UGT2A2: variants seen among roughly 807,000 people sequenced by gnomAD.
UGT2A2 encodes UDP glucuronosyltransferase family 2 member A2.
A neutral mutation model predicts 50.7 loss-of-function variants in UGT2A2; 60 were observed. The ratio of observed to expected loss-of-function variants is 1.18; its 90% confidence interval spans 0.96 to 1.47. The LOEUF (loss-of-function observed/expected upper bound fraction) is 1.47. UGT2A2 is among the 40% of genes most tolerant of loss of function. UGT2A2 has a pLI of 0.00. For synonymous variants in UGT2A2, 242 were observed against 214.6 expected (o/e 1.13, Z -1.11); for missense variants, 762 against 634.0 (o/e 1.20, Z -2.17).
At chr4:69,635,917 C>A (rs1348585754) in intron 1 of UGT2A2, 1 of 149,382 alleles carries the variant, frequency 6.7e-6, no homozygotes, top group Non-Finnish European at 1.5e-5. Flanking sequence ...TTGGCCTGAC[C>A]AAAATTTATT....
chr4:69,589,751 T>A (rs1718483992), intron 5 of UGT2A2, 100 bp from the exon 6 acceptor site: 1 of 1,460,088 alleles, frequency 6.8e-7, no homozygotes, highest in Admixed American at 2.4e-5. Context: ...TTTAAGGCCA[T>A]AGTTACGTGG....
chr4:69,635,858 A>C (rs1577997875), intron 1 of UGT2A2: 1 of 148,464 alleles, frequency 6.7e-6, no homozygotes, highest in South Asian at 2.0e-4. Flanking sequence ...AAAGAGAGAG[A>C]GAGAGAGAAA....
At position 69,615,581 on chromosome 4, in the gene UGT2A2, CAAAAGA is replaced by C. The variant is rs1033722761; in HGVS notation, c.743-16193_743-16188del. ...ATAAAAGATCTGAATAGACGTTTCT[CAAAAGA>C]ACAACCAACAGGCAAGTGAAGAAAT... On this transcript the variant is annotated intron_variant, in intron 1 of 5. Coordinates refer to ENST00000604629, the MANE Select transcript of UGT2A2 (RefSeq NM_001105677.2). Among the ~76,000 whole-genome samples the C allele has an allele frequency of 2.0e-5, 3 of 151,906 alleles. No homozygotes were observed. In the Admixed American group the frequency reaches 2.0e-4, roughly 10 times the overall value.
chr4:69,599,464 C>T, intron 1 of UGT2A2, 70 bp from the exon 2 acceptor site: 4 of 1,577,014 alleles, frequency 2.5e-6, no homozygotes, highest in Non-Finnish European at 3.4e-6. Context: ...AAAAAAGCTA[C>T]CAGTAATTTC....
intron 1 of UGT2A2, among the ~76,000 whole-genome samples, chr4:69,631,213 T>C (rs1721364119): frequency 1.3e-5 from 2 of 152,162 alleles, no homozygotes; most frequent in Non-Finnish European, 2.9e-5. Flanking sequence ...AAGATACCTA[T>C]ACTGTTTTAG....
chr4:69,603,329 T>A (rs920803910), intron 1 of UGT2A2, among the ~76,000 whole-genome samples: 1 of 136,484 alleles, frequency 7.3e-6, no homozygotes, highest in Non-Finnish European at 1.6e-5. Flanking sequence ...TGTAATGAAA[T>A]TCATGAATGA....
intron 5 of UGT2A2, among the ~76,000 whole-genome samples, chr4:69,592,012 GC>G (rs1378884787): frequency 6.6e-6 from 1 of 152,170 alleles, no homozygotes; most frequent in African/African-American, 2.4e-5. Flanking sequence ...TGGATGGGGA[GC>G]AAAAGTGGAC....
At chr4:69,634,161 C>T (rs191697470) in intron 1 of UGT2A2, among the ~76,000 whole-genome samples, 76 of 152,124 alleles carry the variant, frequency 5.0e-4, no homozygotes, top group African/African-American at 1.3e-3. Flanking sequence ...AGGAGAATGG[C>T]GTGAACCCGG....
intron 1 of UGT2A2, among the ~76,000 whole-genome samples, chr4:69,609,801 C>CA (rs1176792722): frequency 1.3e-5 from 2 of 151,956 alleles, no homozygotes; most frequent in African/African-American, 2.4e-5. Flanking sequence ...CTGCATTCCA[C>CA]AAAAAAATTA....
intron 1 of UGT2A2, among the ~76,000 whole-genome samples, chr4:69,635,978 A>C (rs1721682132): frequency 6.6e-6 from 1 of 152,048 alleles, no homozygotes; most frequent in Admixed American, 6.6e-5. Context: ...AATTCCTGAT[A>C]TCCCTGTTCC....
intron 1 of UGT2A2, among the ~76,000 whole-genome samples, chr4:69,618,123 C>T (rs947742733): frequency 3.3e-5 from 5 of 150,256 alleles, no homozygotes; most frequent in African/African-American, 9.8e-5. Flanking sequence ...ATTTAGTATC[C>T]GTGTACGTAA....
chr4:69,634,299 AC>A (rs1721559136), intron 1 of UGT2A2, among the ~76,000 whole-genome samples: 1 of 151,896 alleles, frequency 6.6e-6, no homozygotes, highest in African/African-American at 2.4e-5. Context: ...AAAACCCACA[AC>A]ACTGATCACA....
intron 1 of UGT2A2, among the ~76,000 whole-genome samples, chr4:69,634,973 C>T (rs1473086638): frequency 1.3e-5 from 2 of 151,868 alleles, no homozygotes; most frequent in African/African-American, 4.8e-5. Flanking sequence ...TCTAAGAATC[C>T]ATCTAAAATT....
At chr4:69,626,882 T>C (rs1424921329) in intron 1 of UGT2A2, among the ~76,000 whole-genome samples, 1 of 151,834 alleles carries the variant, frequency 6.6e-6, no homozygotes, top group African/African-American at 2.4e-5. Flanking sequence ...GTAGTTCCTG[T>C]ATTCTTTTGA....
chr4:69,638,001 A>C (rs1007489056), intron 1 of UGT2A2, among the ~76,000 whole-genome samples: 23 of 147,410 alleles, frequency 1.6e-4, no homozygotes, highest in Admixed American at 3.4e-4. Context: ...GGCAGGCAGG[A>C]AGGAAGGAAG....
chr4:69,600,155 C>G (rs182350259), intron 1 of UGT2A2, among the ~76,000 whole-genome samples: 1 of 152,294 alleles, frequency 6.6e-6, no homozygotes, highest in African/African-American at 2.4e-5. Context: ...TGGGGAGAAA[C>G]TGCCTCTGGG....
At chr4:69,636,496 A>G (rs1721718054) in intron 1 of UGT2A2, among the ~76,000 whole-genome samples, 1 of 151,928 alleles carries the variant, frequency 6.6e-6, no homozygotes, top group Admixed American at 6.6e-5. Flanking sequence ...TAGGATATTT[A>G]ATTTCTTAAA....
In UGT2A2 at chr4:69,589,334, CA is replaced by C. The variant is rs1560463103; in HGVS notation, c.*37del. On this transcript the variant is annotated 3_prime_UTR_variant, in exon 6 of 6. Coordinates refer to ENST00000604629, the MANE Select transcript of UGT2A2 (RefSeq NM_001105677.2). ...AGGACTACACTACTCAGGATTTTGC[CA>C]AACTTAAAAATATATATATTTCCTC... is the stretch of plus-strand genomic sequence containing the variant. 1.3e-6 allele frequency: 2 copies of C among 1,542,688 alleles called. No individual in the cohort carries two copies. Among genetic ancestry groups the C allele is most frequent in the Non-Finnish European group, 1.7e-6 (2 of 1,145,934 alleles).
At chr4:69,609,879 G>C (rs1719929289) in intron 1 of UGT2A2, among the ~76,000 whole-genome samples, 1 of 151,844 alleles carries the variant, frequency 6.6e-6, no homozygotes, top group African/African-American at 2.4e-5. Flanking sequence ...TAGAACTTGG[G>C]GAAAAATAAA....
Sources: gnomAD v4.1 joint callset for allele counts (sites outside exome capture counted in the v4.1 genomes callset) on GRCh38, gnomAD v4.1.1 for gene constraint, MANE v1.5 for transcripts, NCBI Gene and HGNC (gene_info 2026-07-23, HGNC 2026-07-21) for gene names.